Variants in VAV3 observed in about 807,000 individuals in gnomAD.
The protein encoded by VAV3 is vav guanine nucleotide exchange factor 3, also known as guanine nucleotide exchange factor VAV3.
VAV3 carries 94 observed loss-of-function variants against 131.2 expected under a neutral mutation model. That is an observed-to-expected ratio of 0.72 (90% CI 0.61 to 0.85). The LOEUF (loss-of-function observed/expected upper bound fraction) is 0.85, where lower values mean the gene tolerates loss of function less well. Ranked by LOEUF, VAV3 falls within the 40% of genes least tolerant of loss-of-function variation. VAV3 has a pLI of 0.00. For missense variants in VAV3, 939 were observed against 1,002.7 expected (o/e 0.94, Z 0.86); for synonymous variants, 349 against 342.0 (o/e 1.02, Z -0.22).
rs145305546 is a variant in VAV3, at chr1:107,723,049, G to A, written c.1503-17988C>T. On this transcript the variant is annotated intron_variant, in intron 15 of 26. Coordinates refer to ENST00000370056, the MANE Select transcript of VAV3 (RefSeq NM_006113.5). ...TTTGTTTGGCTCCACTATAGACTTC[G>A]TCATGTTATTGTGTAATTATTTGTA... 4.5e-3 allele frequency among the ~76,000 whole-genome samples: 677 copies of A among 152,084 alleles called. 5 individuals carry two copies. Among genetic ancestry groups the A allele is most frequent in the African/African-American group, 0.016 (652 of 41,496 alleles).
chr1:107,632,932 C>T (rs1166541646), intron 20 of VAV3, among the ~76,000 whole-genome samples: 1 of 152,148 alleles, frequency 6.6e-6, no homozygotes, highest in Admixed American at 6.5e-5. Context: ...CATTCTAATA[C>T]TATACCAGAA....
intron 15 of VAV3, among the ~76,000 whole-genome samples, chr1:107,731,799 T>C (rs530709140): frequency 6.6e-6 from 1 of 152,286 alleles, no homozygotes; most frequent in South Asian, 2.1e-4. Context: ...GGAGCTTTAA[T>C]CTCCTCTTCA....
At chr1:107,936,053 A>T (rs1411270277) in intron 1 of VAV3, among the ~76,000 whole-genome samples, 1 of 152,214 alleles carries the variant, frequency 6.6e-6, no homozygotes, top group African/African-American at 2.4e-5. Context: ...GGAGAAAAGT[A>T]AACGTAGGAC....
chr1:107,635,523 T>C (rs1654853928), intron 20 of VAV3, among the ~76,000 whole-genome samples: 1 of 150,946 alleles, frequency 6.6e-6, no homozygotes. Flanking sequence ...TAATGTTAAA[T>C]GAGAAGTTAA....
chr1:107,878,813 T>A (rs7554536), intron 1 of VAV3, among the ~76,000 whole-genome samples: 99,688 of 151,918 alleles, frequency 0.66, 33,247 homozygotes, highest in Non-Finnish European at 0.72. Context: ...TGTGGTACCA[T>A]GTGGCTGTCC....
In VAV3 at chr1:107,634,948, A is replaced by G. The variant is rs911694575; in HGVS notation, c.1914+7671T>C. 1.4e-4 allele frequency among the ~76,000 whole-genome samples: 22 copies of G among 151,938 alleles called. 2 individuals carry two copies. The highest frequency in any genetic ancestry group is 1.1e-3 in the Admixed American group (17 of 15,266). On this transcript the variant is annotated intron_variant, in intron 20 of 26. Transcript: ENST00000370056. ...CCATCTCACACCAGTTAGAATGGCA[A>G]TCATTAAAAAGTCAGGAAACAACAG... is the stretch of plus-strand genomic sequence containing the variant.
rs1192088612 is a variant in VAV3 at position 107,573,111 on chromosome 1, C to A, written c.*220G>T. On this transcript the variant is annotated 3_prime_UTR_variant, in exon 27 of 27. Coordinates refer to ENST00000370056, the MANE Select transcript of VAV3 (RefSeq NM_006113.5). The stretch of plus-strand genomic sequence containing the variant: ...CTGGTCCCTGACAATGACAGACTGG[C>A]AGGCTGTTTCTTGCACAGCTCTAGG... 6.0e-6 allele frequency: 3 copies of A among 503,810 alleles called. No individual in the cohort carries two copies. The highest frequency in any genetic ancestry group is 1.0e-5 in the Non-Finnish European group (3 of 292,090). The allele number at this position is 503,810 out of a possible 1,614,324, so 31.2% of individuals were successfully genotyped here.
At chr1:107,902,885 T>C (rs1571118038) in intron 1 of VAV3, among the ~76,000 whole-genome samples, 1 of 152,206 alleles carries the variant, frequency 6.6e-6, no homozygotes, top group East Asian at 1.9e-4. Context: ...GAGAACCTAA[T>C]AATTTCCCAG....
intron 2 of VAV3, among the ~76,000 whole-genome samples, chr1:107,800,937 G>A (rs1167663356): frequency 6.6e-6 from 1 of 152,132 alleles, no homozygotes; most frequent in African/African-American, 2.4e-5. Context: ...TTTTCTTCGA[G>A]TAGTTTCACA....
Position 107,751,199 on chromosome 1 carries a change from G to T in VAV3, c.1177C>A (p.Gln393Lys). Residue 393 changes from glutamine (Q) to lysine (K), a missense_variant, in exon 13 of 27, where the codon CAA becomes AAA. Gln to Lys is a moderately conservative substitution (Grantham distance 53). Transcript: ENST00000370056. Reference sequence around the variant, plus strand: ...GGTCGTCCAAAAAGCAAAACTGGTTGGTTCTAAAATATAAAATGCACATGT... The same window carrying T: ...GGTCGTCCAAAAAGCAAAACTGGTTTGTTCTAAAATATAAAATGCACATGT... ...QFQLSIENLNQPVLLFGRPQG... is the reference protein window; with the variant it reads ...QFQLSIENLNKPVLLFGRPQG... 6.2e-7 allele frequency: 1 copy of T among 1,610,284 alleles called. No homozygotes were observed. The highest frequency in any genetic ancestry group is 8.5e-7 in the Non-Finnish European group (1 of 1,178,432).
At chr1:107,722,840 C>CTCTCTTTTTTTTTTTTTTTTTTTTTTT (rs371987024) in intron 15 of VAV3, among the ~76,000 whole-genome samples, 1 of 129,812 alleles carries the variant, frequency 7.7e-6, no homozygotes, top group African/African-American at 2.9e-5. Context: ...ATTATCCTCT[C>CTCTCTTTTTTTTTTTTTTTTTTTTTTT]TTTTTTTTTT....
At chr1:107,681,516 G>C (rs1375155232) in intron 19 of VAV3, among the ~76,000 whole-genome samples, 1 of 152,094 alleles carries the variant, frequency 6.6e-6, no homozygotes, top group African/African-American at 2.4e-5. Context: ...TAAATCAAAA[G>C]ACAGCTGTGG....
chr1:107,954,252 AAAC>A (rs565026685), intron 1 of VAV3, among the ~76,000 whole-genome samples: 2 of 152,342 alleles, frequency 1.3e-5, no homozygotes, highest in Middle Eastern at 3.4e-3. Flanking sequence ...ACATCATTTT[AAAC>A]AACAGTGTTC....
intron 1 of VAV3, among the ~76,000 whole-genome samples, chr1:107,884,412 T>TTATTATTATTATTATTAA (rs1670932267): frequency 2.5e-5 from 2 of 81,072 alleles, no homozygotes; most frequent in African/African-American, 9.3e-5. Flanking sequence ...TTATTTATTA[T>TTATTATTATTATTATTAA]TATTATTATT....
intron 19 of VAV3, among the ~76,000 whole-genome samples, chr1:107,665,740 C>T (rs1657364229): frequency 6.6e-6 from 1 of 152,180 alleles, no homozygotes; most frequent in Non-Finnish European, 1.5e-5. Context: ...ATACTAGAAA[C>T]ACTCTGTCCC....
At position 107,642,946 on chromosome 1, in the gene VAV3, A is replaced by G. The variant is rs41278456; in HGVS notation, c.1778-191T>C. 4.7e-3 allele frequency among the ~76,000 whole-genome samples: 712 copies of G among 152,308 alleles called. 6 individuals are homozygous for G. The highest frequency in any genetic ancestry group is 0.014 in the Middle Eastern group (4 of 294). On this transcript the variant is annotated intron_variant, in intron 19 of 26. Transcript: ENST00000370056. Reference sequence around the variant, plus strand: ...ATATGAGATGGTAATAGAATAAGACACATATTTATCCCATGATCCCTGACA... The same window carrying G: ...ATATGAGATGGTAATAGAATAAGACGCATATTTATCCCATGATCCCTGACA...
At chr1:107,740,604 A>T (rs886710064) in intron 15 of VAV3, among the ~76,000 whole-genome samples, 1 of 152,180 alleles carries the variant, frequency 6.6e-6, no homozygotes, top group Non-Finnish European at 1.5e-5. Flanking sequence ...GATACTAAAA[A>T]TAAAAGAAAA....
intron 2 of VAV3, among the ~76,000 whole-genome samples, chr1:107,815,880 G>A (rs67778148): frequency 6.6e-6 from 1 of 151,934 alleles, no homozygotes; most frequent in Non-Finnish European, 1.5e-5. Context: ...CCCGTGGCGG[G>A]GTGTGGAGGG....
chr1:107,804,490 T>C (rs146716805), intron 2 of VAV3, among the ~76,000 whole-genome samples: 2 of 152,276 alleles, frequency 1.3e-5, no homozygotes, highest in East Asian at 1.9e-4. Flanking sequence ...TGACAACTTA[T>C]CACAGATCAC....
Sources: allele counts gnomAD v4.1 joint callset (sites outside exome capture counted in the v4.1 genomes callset), GRCh38; gene constraint gnomAD v4.1.1; transcripts MANE v1.5; gene names NCBI Gene and HGNC (gene_info 2026-07-23, HGNC 2026-07-21).